Variants in CUX1 observed in about 807,000 individuals in gnomAD.
CUX1 encodes the protein protein CASP.
A neutral mutation model predicts 158.8 loss-of-function variants in CUX1; 31 were observed. The observed-to-expected ratio is 0.20, with a 90% CI of 0.15 to 0.26. The LOEUF (loss-of-function observed/expected upper bound fraction) is 0.26. Among genes scored for constraint, CUX1 ranks in the 10% least tolerant of loss-of-function variants. The pLI is 1.00. For missense variants in CUX1, 1,589 were observed against 2,014.6 expected (o/e 0.79, Z 4.04); for synonymous variants, 879 against 862.1 (o/e 1.02, Z -0.34).
At position 102,205,099 on chromosome 7, in the gene CUX1, C is replaced by G; in HGVS notation, c.3074-15C>G. On this transcript the variant is annotated splice_polypyrimidine_tract_variant and intron_variant, in intron 19 of 23. Transcript: ENST00000292535. ...CCGCGTTCCTTCCTTTAATTATAAC[C>G]TTTTTCTACTTTAGTCCTCCACTCC... 1 of 1,592,350 alleles carries G rather than the reference C, an allele frequency of 6.3e-7. No homozygotes were observed. Among genetic ancestry groups the G allele is most frequent in the South Asian group, 1.1e-5 (1 of 90,554 alleles).
At chr7:102,156,176 G>A (rs1055065235) in intron 8 of CUX1, among the ~76,000 whole-genome samples, 3 of 152,120 alleles carry the variant, frequency 2.0e-5, no homozygotes, top group Non-Finnish European at 2.9e-5. Flanking sequence ...CCAGGGGCCC[G>A]GAGACAGTTT....
At chr7:102,101,799 C>G (rs1374665972) in intron 5 of CUX1, among the ~76,000 whole-genome samples, 1 of 152,080 alleles carries the variant, frequency 6.6e-6, no homozygotes, top group Admixed American at 6.6e-5. Flanking sequence ...GTAATCCCAG[C>G]TCTTCGGGAG....
At chr7:102,027,513 A>C (rs1317007585) in intron 2 of CUX1, among the ~76,000 whole-genome samples, 3 of 152,152 alleles carry the variant, frequency 2.0e-5, no homozygotes, top group Non-Finnish European at 4.4e-5. Flanking sequence ...CAAAAGCTTT[A>C]GTCTGTAGCA....
intron 5 of CUX1, among the ~76,000 whole-genome samples, chr7:102,104,031 G>A (rs943126551): frequency 5.3e-5 from 8 of 151,984 alleles, no homozygotes; most frequent in South Asian, 2.1e-4. Context: ...AAGATGATAT[G>A]ATATTTTACC....
At chr7:102,259,533 A>AGCC (rs1315491958), downstream of CUX1, among the ~76,000 whole-genome samples, 1 of 152,162 alleles carries the variant, frequency 6.6e-6, no homozygotes, top group Non-Finnish European at 1.5e-5. Flanking sequence ...GGTTACGGTG[A>AGCC]GCCGAGATTG....
chr7:101,961,573 T>C (rs937454488), intron 2 of CUX1: 14 of 152,456 alleles, frequency 9.2e-5, no homozygotes, highest in African/African-American at 3.4e-4. Context: ...CTTTGAAGTG[T>C]TATGCAACCA....
intron 7 of CUX1, among the ~76,000 whole-genome samples, chr7:102,113,155 C>A (rs1476498111): frequency 1.3e-5 from 2 of 152,154 alleles, no homozygotes; most frequent in African/African-American, 4.8e-5. Context: ...TGAAAAAATG[C>A]AAAGTTTTTT....
intron 20 of CUX1, among the ~76,000 whole-genome samples, chr7:102,224,632 G>A (rs553024092): frequency 4.6e-5 from 7 of 152,328 alleles, no homozygotes; most frequent in Non-Finnish European, 1.0e-4. Context: ...ACAGCCTGGA[G>A]CACAGAGGGA....
intron 8 of CUX1, among the ~76,000 whole-genome samples, chr7:102,127,361 A>G (rs1554495622): frequency 6.6e-6 from 1 of 151,904 alleles, no homozygotes; most frequent in Non-Finnish European, 1.5e-5. Flanking sequence ...TGTGCACCCC[A>G]CACCAGGCCA....
At chr7:101,816,466 G>T (rs1184658988), upstream of CUX1, among the ~76,000 whole-genome samples, 9 of 140,484 alleles carry the variant, frequency 6.4e-5, no homozygotes, top group African/African-American at 2.3e-4. Context: ...GGAGGGGGCG[G>T]CCCCGGCGGC....
intron 7 of CUX1, among the ~76,000 whole-genome samples, chr7:102,114,194 TAAAA>T (rs1408588565): frequency 6.6e-6 from 1 of 152,238 alleles, no homozygotes; most frequent in South Asian, 2.1e-4. Context: ...GGGTAGAAAA[TAAAA>T]AAAGATATAT....
intron 9 of CUX1, among the ~76,000 whole-genome samples, chr7:102,162,237 G>A (rs2131603324): frequency 6.6e-6 from 1 of 152,260 alleles, no homozygotes; most frequent in East Asian, 1.9e-4. Flanking sequence ...AGAGACCCCT[G>A]TAGACCCCAG....
chr7:102,067,009 C>G, intron 3 of CUX1, among the ~76,000 whole-genome samples: 1 of 152,132 alleles, frequency 6.6e-6, no homozygotes, highest in East Asian at 1.9e-4. Flanking sequence ...ATAATTCACC[C>G]ATTTAAAGTC....
At chr7:101,929,103 G>T (rs549045363) in intron 2 of CUX1, among the ~76,000 whole-genome samples, 2 of 152,160 alleles carry the variant, frequency 1.3e-5, no homozygotes, top group African/African-American at 4.8e-5. Flanking sequence ...TTGAACCCAG[G>T]AGATGGGGGT....
Position 102,069,139 on chromosome 7 carries a change from C to T in CUX1, c.190-1200C>T, listed in dbSNP as rs1016432983. ...CTCGACACCCACAACCACTGCCCAG[C>T]GCATCTCACTCGGATGAAAGCAGTG... On this transcript the variant is annotated intron_variant, in intron 3 of 23. Coordinates refer to ENST00000292535, the MANE Select transcript of CUX1 (RefSeq NM_181552.4). 2.6e-5 allele frequency among the ~76,000 whole-genome samples: 4 copies of T among 152,272 alleles called. No individual in the cohort carries two copies. In the East Asian group the frequency reaches 7.7e-4, roughly 29 times the overall value.
chr7:102,241,142 A>G (rs1301851454), intron 23 of CUX1, among the ~76,000 whole-genome samples: 2 of 152,180 alleles, frequency 1.3e-5, no homozygotes, highest in Non-Finnish European at 2.9e-5. Context: ...TCTACAGATG[A>G]AAAATATAGA....
chr7:101,888,197 G>A (rs999785964), intron 1 of CUX1, among the ~76,000 whole-genome samples: 2 of 152,114 alleles, frequency 1.3e-5, no homozygotes, highest in Non-Finnish European at 2.9e-5. Flanking sequence ...TGGGTGTGGT[G>A]GCACATTCCT....
intron 2 of CUX1, among the ~76,000 whole-genome samples, chr7:101,996,169 G>T (rs1000010221): frequency 1.3e-5 from 2 of 152,050 alleles, no homozygotes; most frequent in Non-Finnish European, 2.9e-5. Context: ...TTTTGGTGAT[G>T]ATATCTGACC....
intron 9 of CUX1, among the ~76,000 whole-genome samples, chr7:102,168,492 C>CA (rs1433855025): frequency 2.0e-5 from 3 of 151,678 alleles, no homozygotes; most frequent in African/African-American, 7.3e-5. Flanking sequence ...ACTCAAAACA[C>CA]AAAAATTAGC....
Sources: gnomAD v4.1 joint callset for allele counts (sites outside exome capture counted in the v4.1 genomes callset) on GRCh38, gnomAD v4.1.1 for gene constraint, MANE v1.5 for transcripts, NCBI Gene and HGNC (gene_info 2026-07-23, HGNC 2026-07-21) for gene names.